Variants in CTNND2 observed in about 807,000 individuals in gnomAD.
The protein encoded by CTNND2 is catenin delta 2, also known as catenin delta-2.
A neutral mutation model predicts 144.4 loss-of-function variants in CTNND2; 22 were observed. That is an observed-to-expected ratio of 0.15 (90% confidence interval 0.11 to 0.22). The LOEUF is 0.22. Among genes scored for constraint, CTNND2 ranks in the 10% least tolerant of loss-of-function variants. CTNND2 has a pLI of 1.00. For synonymous variants in CTNND2, 751 were observed against 695.6 expected, an observed-to-expected ratio of 1.08 and a Z score of -1.25; for missense variants, 1,353 against 1,618.8, an observed-to-expected ratio of 0.84 and a Z score of 2.82.
At chr5:11,719,758 A>G (rs746335661) in intron 2 of CTNND2, among the ~76,000 whole-genome samples, 3 of 151,844 alleles carry the variant, frequency 2.0e-5, no homozygotes, top group Non-Finnish European at 4.4e-5. Flanking sequence ...ATATTCATTC[A>G]GATTCTCCTT....
At chr5:11,078,831 A>C (rs1418599610) in intron 16 of CTNND2, among the ~76,000 whole-genome samples, 1 of 143,528 alleles carries the variant, frequency 7.0e-6, no homozygotes, top group Non-Finnish European at 1.6e-5. Context: ...CTAACGACCT[A>C]CTTTAGATAT....
intron 3 of CTNND2, among the ~76,000 whole-genome samples, chr5:11,553,892 C>G (rs1775990499): frequency 6.6e-6 from 1 of 151,910 alleles, no homozygotes; most frequent in Non-Finnish European, 1.5e-5. Flanking sequence ...TTAATATTAG[C>G]TTTTTGAAGT....
intron 1 of CTNND2, among the ~76,000 whole-genome samples, chr5:11,787,136 G>A (rs1790880040): frequency 6.6e-6 from 1 of 152,180 alleles, no homozygotes; most frequent in Non-Finnish European, 1.5e-5. Context: ...TCCCTAAAAT[G>A]TAGGGATTGG....
intron 1 of CTNND2, among the ~76,000 whole-genome samples, chr5:11,744,554 A>T (rs1788195992): frequency 6.6e-6 from 1 of 152,126 alleles, no homozygotes; most frequent in African/African-American, 2.4e-5. Context: ...CATGAGGAGC[A>T]GGAAAGAGCA....
chr5:11,705,244 G>A (rs990335880), intron 2 of CTNND2, among the ~76,000 whole-genome samples: 10 of 152,148 alleles, frequency 6.6e-5, no homozygotes, highest in Admixed American at 6.5e-4. Context: ...CCCAAAGGAT[G>A]CTACACATTG....
At chr5:11,656,619 C>T (rs1782929460) in intron 2 of CTNND2, among the ~76,000 whole-genome samples, 1 of 152,084 alleles carries the variant, frequency 6.6e-6, no homozygotes, top group African/African-American at 2.4e-5. Context: ...TCCTACTGAT[C>T]CACGAACAGT....
intron 3 of CTNND2, among the ~76,000 whole-genome samples, chr5:11,512,683 C>G (rs1771763882): frequency 6.6e-6 from 1 of 152,216 alleles, no homozygotes; most frequent in Non-Finnish European, 1.5e-5. Flanking sequence ...CTGTGGTCAA[C>G]AGTATTAGCA....
At chr5:11,239,903 C>T (rs1742036141) in intron 9 of CTNND2, among the ~76,000 whole-genome samples, 1 of 152,242 alleles carries the variant, frequency 6.6e-6, no homozygotes, top group South Asian at 2.1e-4. Context: ...CTGGTAGGCT[C>T]TGAGGCCAGG....
intron 9 of CTNND2, among the ~76,000 whole-genome samples, chr5:11,302,777 GGC>G (rs1475653092): frequency 7.9e-5 from 12 of 152,092 alleles, no homozygotes; most frequent in African/African-American, 2.9e-4. Flanking sequence ...TGATCTCCTG[GGC>G]AAATAGAGGA....
chr5:11,497,624 G>A (rs987854955), intron 3 of CTNND2, among the ~76,000 whole-genome samples: 1 of 149,154 alleles, frequency 6.7e-6, no homozygotes, highest in Non-Finnish European at 1.5e-5. Context: ...GGAGAGAGGA[G>A]AATTAATAGA....
intron 13 of CTNND2, among the ~76,000 whole-genome samples, chr5:11,111,916 G>C (rs1016889617): frequency 6.6e-6 from 1 of 150,692 alleles, no homozygotes; most frequent in East Asian, 1.9e-4. Flanking sequence ...GCGCGATCTC[G>C]GCTCACTGCA....
At chr5:11,238,629 A>T (rs1157689906) in intron 9 of CTNND2, among the ~76,000 whole-genome samples, 1 of 152,242 alleles carries the variant, frequency 6.6e-6, no homozygotes, top group Non-Finnish European at 1.5e-5. Flanking sequence ...AAGATAAAGC[A>T]TTCTATTTAA....
At chr5:11,478,519 CA>C (rs1286832745) in intron 3 of CTNND2, among the ~76,000 whole-genome samples, 1 of 152,120 alleles carries the variant, frequency 6.6e-6, no homozygotes, top group Admixed American at 6.5e-5. Flanking sequence ...AGCACTTTGT[CA>C]AAACACATCA....
chr5:11,644,753 A>C (rs776630551), intron 2 of CTNND2, among the ~76,000 whole-genome samples: 3 of 152,156 alleles, frequency 2.0e-5, no homozygotes, highest in Non-Finnish European at 2.9e-5. Context: ...AGCAAAGGAA[A>C]TCTGTCATGA....
At chr5:10,993,865 T>C (rs759576392) in intron 18 of CTNND2, among the ~76,000 whole-genome samples, 27 of 152,210 alleles carry the variant, frequency 1.8e-4, no homozygotes, top group Non-Finnish European at 2.8e-4. Context: ...CTTTATTAAT[T>C]CATCTATTTA....
At chr5:11,657,451 TC>T (rs1219899600) in intron 2 of CTNND2, among the ~76,000 whole-genome samples, 1 of 152,132 alleles carries the variant, frequency 6.6e-6, no homozygotes, top group Non-Finnish European at 1.5e-5. Context: ...CTTCTTTCTC[TC>T]TCCTGTTTCT....
intron 9 of CTNND2, among the ~76,000 whole-genome samples, chr5:11,304,318 C>T (rs1318487338): frequency 2.0e-5 from 3 of 148,300 alleles, no homozygotes; most frequent in African/African-American, 7.4e-5. Flanking sequence ...CACGGACACA[C>T]CACACACACA....
At chr5:11,624,172 G>A (rs1781028297) in intron 2 of CTNND2, among the ~76,000 whole-genome samples, 1 of 151,972 alleles carries the variant, frequency 6.6e-6, no homozygotes, top group South Asian at 2.1e-4. Context: ...GTGTTAGAAA[G>A]AACACAAAGG....
At chr5:11,704,237 C>A (rs1283693469) in intron 2 of CTNND2, among the ~76,000 whole-genome samples, 2 of 152,240 alleles carry the variant, frequency 1.3e-5, no homozygotes, top group East Asian at 3.8e-4. Flanking sequence ...GGTGTGAAGA[C>A]AGCTCAGACT....
Sources: gnomAD v4.1 joint callset for allele counts (sites outside exome capture counted in the v4.1 genomes callset) on GRCh38, gnomAD v4.1.1 for gene constraint, MANE v1.5 for transcripts, NCBI Gene and HGNC (gene_info 2026-07-23, HGNC 2026-07-21) for gene names.